CARD14: variants seen among roughly 807,000 people sequenced by gnomAD.
CARD14 encodes caspase recruitment domain family member 14, also known as caspase recruitment domain-containing protein 14.
In CARD14, 107 loss-of-function variants were observed where a neutral mutation model predicts 111.5. The observed-to-expected ratio is 0.96, with a 90% confidence interval of 0.82 to 1.13. The LOEUF (loss-of-function observed/expected upper bound fraction) is 1.13. Among genes scored for constraint, CARD14 ranks in the 50% most tolerant of loss-of-function variants. The pLI, the probability that CARD14 is intolerant of heterozygous loss-of-function variation, is 0.00. For missense variants in CARD14, 1,322 were observed against 1,362.3 expected, an observed-to-expected ratio of 0.97 and a Z score of 0.47; for synonymous variants, 617 against 579.6, an observed-to-expected ratio of 1.06 and a Z score of -0.93.
intron 4 of CARD14, among the ~76,000 whole-genome samples, chr17:80,180,452 T>C (rs1041572347): frequency 4.6e-5 from 7 of 152,224 alleles, no homozygotes; most frequent in African/African-American, 1.7e-4. Flanking sequence ...TGCGAGGCAC[T>C]TGTGCCCAGT....
At position 80,190,906 on chromosome 17, in the gene CARD14, G is replaced by A; in HGVS notation, c.1089+7G>A. On this transcript the variant is annotated splice_region_variant and intron_variant, in intron 10 of 23. Coordinates refer to ENST00000648509, the MANE Select transcript of CARD14 (RefSeq NM_001366385.1). ...GCAGAAGGAGCGAGACCAGGTACCT[G>A]AGAGGCCGGGCCCACCCCGCCACCC... The A allele has an allele frequency of 1.2e-6, 2 of 1,612,848 alleles. No individual in the cohort carries two copies. Among genetic ancestry groups the A allele is most frequent in the Non-Finnish European group, 1.7e-6 (2 of 1,179,834 alleles).
chr17:80,203,917 T>TG lies in CARD14; in HGVS notation c.2283+36dup. 6.5e-7 allele frequency: 1 copy of TG among 1,541,952 alleles called. No homozygotes were observed. The stretch of plus-strand genomic sequence containing the variant: ...CTCCAGGGAGGGGCCTGGACCCCAC[T>TG]GGGGTGGGCTGGAAGAGGGGCTCGG... On this transcript the variant is annotated intron_variant, in intron 19 of 23. Transcript: ENST00000648509. This position sits in a 1 kb window ranked among gnomAD's most constrained non-coding sequence, Gnocchi z 4.6.
At position 80,198,492 on chromosome 17, in the gene CARD14, C is replaced by T. The variant is rs749835577; in HGVS notation, c.1752C>T (p.Ser584=). The part of the protein sequence containing the change: ...FQGDALLEQI[S]VIGGNLTGIF... Reference sequence around the variant, plus strand: ...GGGATGCATTGCTGGAGCAGATCAGCGTCATCGGCGGGAACCTCACGGGCA... The same window carrying T: ...GGGATGCATTGCTGGAGCAGATCAGTGTCATCGGCGGGAACCTCACGGGCA... The change falls in exon 16 of 24, where the codon AGC becomes AGT. Residue 584 remains serine (S), a synonymous_variant. Coordinates refer to ENST00000648509, the MANE Select transcript of CARD14 (RefSeq NM_001366385.1). This position sits in a 1 kb window ranked among gnomAD's most constrained non-coding sequence, Gnocchi z 7.5. 8.7e-6 allele frequency: 14 copies of T among 1,613,506 alleles called. No individual in the cohort carries two copies. Among genetic ancestry groups the T allele is most frequent in the Middle Eastern group, 1.6e-4 (1 of 6,084 alleles).
intron 7 of CARD14, among the ~76,000 whole-genome samples, chr17:80,185,888 G>T (rs1332270880): frequency 1.3e-5 from 2 of 152,246 alleles, no homozygotes; most frequent in Non-Finnish European, 2.9e-5. Flanking sequence ...CACAGGGGGT[G>T]CTGGCCTGAC....
chr17:80,183,041 C>T (rs1001665274), intron 6 of CARD14, among the ~76,000 whole-genome samples: 1 of 152,194 alleles, frequency 6.6e-6, no homozygotes, highest in Non-Finnish European at 1.5e-5. Context: ...AAGGAGACCC[C>T]TGAGCGGTAG....
chr17:80,186,009 T>G (rs1386713240), intron 7 of CARD14, among the ~76,000 whole-genome samples: 3 of 152,244 alleles, frequency 2.0e-5, no homozygotes, highest in Non-Finnish European at 4.4e-5. Flanking sequence ...AGAATGGCTC[T>G]TTCTTTTCTT....
chr17:80,195,791 T>C lies in CARD14; in HGVS notation c.1594+139T>C, dbSNP rs929742897. 8 of 723,774 alleles carry C rather than the reference T, an allele frequency of 1.1e-5. No individual in the cohort carries two copies. Among genetic ancestry groups the C allele is most frequent in the Non-Finnish European group, 1.8e-5 (8 of 444,092 alleles). 44.8% of individuals were successfully genotyped at this position (723,774 alleles called of 1,614,324 possible). The stretch of plus-strand genomic sequence containing the variant: ...TCAACTTCTGCCCTGGGCCTTGACC[T>C]TGGCCTCGACCTTGCACTTTGGGAA... On this transcript the variant is annotated intron_variant, in intron 14 of 23. Transcript: ENST00000648509. This position sits in a 1 kb window ranked among gnomAD's most constrained non-coding sequence, Gnocchi z 4.7.
chr17:80,198,850 A>G lies in CARD14; in HGVS notation c.1851+259A>G, dbSNP rs140818498. ...AGGGGTCTTTGCATGAGGCCCCTTG[A>G]CAGGGCTGCTCTGGGTGGTCACTTT... is the stretch of plus-strand genomic sequence containing the variant. On this transcript the variant is annotated intron_variant, in intron 16 of 23. Coordinates refer to ENST00000648509, the MANE Select transcript of CARD14 (RefSeq NM_001366385.1). This position sits in a 1 kb window ranked among gnomAD's most constrained non-coding sequence, Gnocchi z 7.5. 3.4e-5 allele frequency: 49 copies of G among 1,453,908 alleles called. No individual in the cohort carries two copies. The African/African-American group carries it at 5.9e-4, about 18-fold the overall frequency. The allele number at this position is 1,453,908 out of a possible 1,614,324, so 90.1% of individuals were successfully genotyped here. A position where few individuals can be genotyped will look rare whatever the true frequency, so the allele number is the denominator to read the frequency against.
Position 80,205,628 on chromosome 17 carries a change from T to G in CARD14, c.2667T>G (p.His889Gln), listed in dbSNP as rs777549666. The change falls in exon 22 of 24, where the codon CAT becomes CAG. Residue 889 changes from histidine (H) to glutamine (Q), a missense_variant. Physicochemically the swap from His to Gln is conservative, Grantham distance 24. Coordinates refer to ENST00000648509, the MANE Select transcript of CARD14 (RefSeq NM_001366385.1). Reference sequence around the variant, plus strand: ...GGGGCCGCTGCTGGGTGACCCGCCATGCTGTGGAGTCCCTCATGGAAAAGG... The same window carrying G: ...GGGGCCGCTGCTGGGTGACCCGCCAGGCTGTGGAGTCCCTCATGGAAAAGG... ...VSGGRCWVTR[H>Q]AVESLMEKNT... 1 of 1,556,850 alleles carries G rather than the reference T, an allele frequency of 6.4e-7. No individual in the cohort carries two copies. Among genetic ancestry groups the G allele is most frequent in the Non-Finnish European group, 8.7e-7 (1 of 1,150,342 alleles).
intron 2 of CARD14, among the ~76,000 whole-genome samples, chr17:80,176,539 C>T (rs1226895219): frequency 6.6e-6 from 1 of 151,966 alleles, no homozygotes; most frequent in Non-Finnish European, 1.5e-5. Flanking sequence ...GTGCAATCGC[C>T]GCCACAGTTA....
At chr17:80,183,443 A>G (rs1380022026) in intron 6 of CARD14, among the ~76,000 whole-genome samples, 1 of 152,152 alleles carries the variant, frequency 6.6e-6, no homozygotes, top group East Asian at 1.9e-4. Context: ...TCTTTTTCTC[A>G]GGATAACGTT....
In CARD14 at chr17:80,208,371, TG is replaced by T. The variant is rs752020063; in HGVS notation, c.*31del. 2.7e-5 allele frequency: 41 copies of T among 1,541,146 alleles called. 1 individual carries two copies. The highest frequency in any genetic ancestry group is 1.6e-4 in the South Asian group (13 of 83,668). Reference sequence around the variant, plus strand: ...TGCACCGTGCCCCTTCCCGGGACTGTGGGGGCTTCTGTGTGCCTGTTAATGC... The same window carrying T: ...TGCACCGTGCCCCTTCCCGGGACTGTGGGGCTTCTGTGTGCCTGTTAATGC... On this transcript the variant is annotated 3_prime_UTR_variant, in exon 24 of 24. Transcript: ENST00000648509.
chr17:80,191,392 A>G lies in CARD14; in HGVS notation c.1159A>G (p.Arg387Gly). 3 of 1,613,864 alleles carry G rather than the reference A, an allele frequency of 1.9e-6. No individual in the cohort carries two copies. The highest frequency in any genetic ancestry group is 2.5e-6 in the Non-Finnish European group (3 of 1,180,000). Residue 387 changes from arginine to glycine, a missense_variant, in exon 11 of 24, where the codon AGG becomes GGG. Arg to Gly is a moderately radical substitution (Grantham distance 125). Coordinates refer to ENST00000648509, the MANE Select transcript of CARD14 (RefSeq NM_001366385.1). ...QSLVEKDSLR[R>G]QVFELTDQVC... ...CCTGGTGGAGAAGGACTCCCTCCGC[A>G]GGCAGGTGTTCGAGCTGACGGACCA...
chr17:80,174,053 C>T (rs2039969712), intron 2 of CARD14, among the ~76,000 whole-genome samples: 1 of 152,060 alleles, frequency 6.6e-6, no homozygotes, highest in Non-Finnish European at 1.5e-5. Context: ...GTAAAATCAA[C>T]AGTGCTGGGT....
intron 7 of CARD14, among the ~76,000 whole-genome samples, chr17:80,185,088 T>G (rs1598642184): frequency 6.6e-6 from 1 of 152,198 alleles, no homozygotes; most frequent in African/African-American, 2.4e-5. Context: ...ACTATCTCGC[T>G]CTGTCACCAA....
intron 2 of CARD14, 106 bp downstream of exon 2, chr17:80,173,334 G>GCGCA (rs1380936679): frequency 1.4e-5 from 2 of 145,928 alleles, no homozygotes; most frequent in Non-Finnish European, 3.0e-5. Flanking sequence ...ACGCGCGCGC[G>GCGCA]CGCGCGCGGA....
At position 80,206,998 on chromosome 17, in the gene CARD14, T is replaced by G; in HGVS notation, c.2720T>G (p.Leu907Arg). 6.2e-7 allele frequency: 1 copy of G among 1,613,134 alleles called. No individual in the cohort carries two copies. Among genetic ancestry groups the G allele is most frequent in the Non-Finnish European group, 8.5e-7 (1 of 1,179,538 alleles). ...ACCCATGCCCTCCTGGACGTCCAGC[T>G]GGACAGTGTCTGCACCCTGCACAGG... ...KNTHALLDVQ[L>R]DSVCTLHRMD... Residue 907 changes from leucine to arginine, a missense_variant, in exon 23 of 24, where the codon CTG (leucine) becomes CGG (arginine). By Grantham distance (102) the Leu-to-Arg change is moderately radical. Coordinates refer to ENST00000648509, the MANE Select transcript of CARD14 (RefSeq NM_001366385.1).
In CARD14 at chr17:80,208,144, C is replaced by A. The variant is rs561526327; in HGVS notation, c.2814C>A (p.Gly938=). 1.3e-6 allele frequency: 2 copies of A among 1,541,582 alleles called. No individual in the cohort carries two copies. Among genetic ancestry groups the A allele is most frequent in the African/African-American group, 2.7e-5 (2 of 73,022 alleles). The stretch of plus-strand genomic sequence containing the variant: ...CCAACTCTGGCCTGTGCAGGAAGGG[C>A]CTACAGCGGTTGGGCACCTCAGAGG... The part of the protein sequence containing the change: ...NEKMAKKLKK[G]LQRLGTSEEQ... The change falls in exon 24 of 24, where the codon GGC becomes GGA. Residue 938 remains glycine, a synonymous_variant. Coordinates refer to ENST00000648509, the MANE Select transcript of CARD14 (RefSeq NM_001366385.1).
At position 80,201,769 on chromosome 17, in the gene CARD14, T is replaced by C. The variant is rs202126121; in HGVS notation, c.1877T>C (p.Leu626Ser). The C allele has an allele frequency of 1.2e-6, 2 of 1,613,914 alleles. No homozygotes were observed. The highest frequency in any genetic ancestry group is 1.3e-5 in the African/African-American group (1 of 74,910). Residue 626 changes from leucine to serine, a missense_variant, in exon 17 of 24, where the codon TTG (leucine) becomes TCG (serine). Transcript: ENST00000648509. This position sits in a 1 kb window ranked among gnomAD's most constrained non-coding sequence, Gnocchi z 5.0. ...VMVDYEASEPLFKAVLEDTTL... is the reference protein window; with the variant it reads ...VMVDYEASEPSFKAVLEDTTL... ...GTTGATTACGAAGCCTCAGAGCCCTTGTTCAAGGCAGTCCTGGAGGACACG... is the reference window on the plus strand; with the variant it reads ...GTTGATTACGAAGCCTCAGAGCCCTCGTTCAAGGCAGTCCTGGAGGACACG...
Sources: gnomAD v4.1 joint callset for allele counts (sites outside exome capture counted in the v4.1 genomes callset) on GRCh38, gnomAD v4.1.1 for gene constraint, Gnocchi (gnomAD v3.1) non-coding constraint, MANE v1.5 for transcripts, NCBI Gene and HGNC (gene_info 2026-07-23, HGNC 2026-07-21) for gene names.